The following PAG1 variants were observed in gnomAD, a reference collection of about 807,000 sequenced individuals.
The protein encoded by PAG1 is phosphoprotein associated with glycosphingolipid-enriched microdomains 1.
In PAG1, 23 loss-of-function variants were observed where a neutral mutation model predicts 31.7. The ratio of observed to expected loss-of-function variants is 0.73; its 90% CI spans 0.52 to 1.03. PAG1 has a LOEUF of 1.03. Among genes scored for constraint, PAG1 ranks in the 50% least tolerant of loss-of-function variants. PAG1 has a pLI of 0.00. For synonymous variants in PAG1, 214 were observed against 210.3 expected (o/e 1.02, Z -0.15); for missense variants, 473 against 540.7 (o/e 0.87, Z 1.24).
chr8:80,989,730 C>A (rs1171342918), intron 5 of PAG1, among the ~76,000 whole-genome samples: 3 of 152,224 alleles, frequency 2.0e-5, no homozygotes, highest in African/African-American at 4.8e-5. Flanking sequence ...AAGCTCTAGG[C>A]CAGTGGCTCT....
intron 8 of PAG1, among the ~76,000 whole-genome samples, chr8:80,978,730 A>G (rs1249917112): frequency 6.6e-6 from 1 of 152,190 alleles, no homozygotes; most frequent in Non-Finnish European, 1.5e-5. Context: ...CTCACTGTAC[A>G]TTTCAACTTT....
chr8:81,049,042 CA>C (rs2130867736), intron 2 of PAG1, among the ~76,000 whole-genome samples: 1 of 152,296 alleles, frequency 6.6e-6, no homozygotes, highest in East Asian at 1.9e-4. Flanking sequence ...TGCTAGCATA[CA>C]ATCATTACAG....
intron 5 of PAG1, 36 bp from the exon 6 acceptor site, chr8:80,987,502 A>C: frequency 7.1e-7 from 1 of 1,402,554 alleles, no homozygotes; most frequent in Non-Finnish European, 1.0e-6. Flanking sequence ...CAAATGCATC[A>C]CATTGCTAAG....
chr8:80,982,759 C>T (rs1350841987), intron 7 of PAG1, among the ~76,000 whole-genome samples: 1 of 152,154 alleles, frequency 6.6e-6, no homozygotes, highest in Non-Finnish European at 1.5e-5. Context: ...TCAATCTTTC[C>T]CACATGTTGG....
intron 4 of PAG1, among the ~76,000 whole-genome samples, chr8:80,991,767 C>T (rs971208419): frequency 4.6e-5 from 7 of 151,944 alleles, no homozygotes; most frequent in South Asian, 4.1e-4. Flanking sequence ...CCCCTTCTTC[C>T]GGGAAAAAAC....
At chr8:81,055,991 T>A (rs1808816124) in intron 2 of PAG1, among the ~76,000 whole-genome samples, 1 of 152,182 alleles carries the variant, frequency 6.6e-6, no homozygotes, top group African/African-American at 2.4e-5. Flanking sequence ...CTTCCAACAC[T>A]ATGTTGAATA....
At chr8:81,021,705 A>T (rs927386719) in intron 3 of PAG1, among the ~76,000 whole-genome samples, 41 of 152,176 alleles carry the variant, frequency 2.7e-4, no homozygotes, top group African/African-American at 9.6e-4. Context: ...TGTGGTTTCA[A>T]TTATGAGGAA....
intron 3 of PAG1, among the ~76,000 whole-genome samples, chr8:81,010,167 A>C (rs1169241617): frequency 6.6e-6 from 1 of 152,178 alleles, no homozygotes; most frequent in Admixed American, 6.5e-5. Flanking sequence ...TAAAACAGAT[A>C]CAGCTCATTG....
chr8:81,006,730 T>A (rs1457336576), intron 3 of PAG1, among the ~76,000 whole-genome samples: 2 of 152,224 alleles, frequency 1.3e-5, no homozygotes, highest in Non-Finnish European at 2.9e-5. Context: ...GCTGTGTTTA[T>A]GAAAAGTCTT....
intron 2 of PAG1, among the ~76,000 whole-genome samples, chr8:81,034,832 C>A (rs1047987506): frequency 6.6e-6 from 1 of 152,186 alleles, no homozygotes; most frequent in Non-Finnish European, 1.5e-5. Flanking sequence ...AATACGATTT[C>A]ATGTACCACC....
chr8:80,988,519 A>G (rs1256332148), intron 5 of PAG1, among the ~76,000 whole-genome samples: 1 of 152,090 alleles, frequency 6.6e-6, no homozygotes, highest in Admixed American at 6.5e-5. Context: ...GGAGTGCAGT[A>G]GCATGATTAT....
At chr8:80,991,098 A>C (rs1791534619) in intron 5 of PAG1, among the ~76,000 whole-genome samples, 1 of 152,208 alleles carries the variant, frequency 6.6e-6, no homozygotes, top group Non-Finnish European at 1.5e-5. Flanking sequence ...GCAAACCACC[A>C]GAAGCCCCAG....
intron 2 of PAG1, among the ~76,000 whole-genome samples, chr8:81,065,828 T>C (rs1808995911): frequency 6.6e-6 from 1 of 150,666 alleles, no homozygotes; most frequent in African/African-American, 2.4e-5. Flanking sequence ...TATGTGTGTA[T>C]ATATATGTTT....
chr8:81,059,312 T>G (rs918828189), intron 2 of PAG1, among the ~76,000 whole-genome samples: 3 of 152,042 alleles, frequency 2.0e-5, no homozygotes, highest in Non-Finnish European at 4.4e-5. Flanking sequence ...AATTAGAGGT[T>G]GGTTGAATCC....
chr8:81,079,932 A>G (rs1049132427), intron 1 of PAG1, among the ~76,000 whole-genome samples: 5 of 151,782 alleles, frequency 3.3e-5, no homozygotes, highest in Non-Finnish European at 7.4e-5. Context: ...CCATGCCCGG[A>G]TAATTTTTAA....
At chr8:81,099,774 C>T (rs1290999310) in intron 1 of PAG1, among the ~76,000 whole-genome samples, 2 of 152,096 alleles carry the variant, frequency 1.3e-5, no homozygotes, top group African/African-American at 2.4e-5. Flanking sequence ...ATAGAAAAGT[C>T]CTAAAGCTGA....
chr8:81,046,295 G>A (rs891137482), intron 2 of PAG1, among the ~76,000 whole-genome samples: 4 of 152,158 alleles, frequency 2.6e-5, no homozygotes, highest in Non-Finnish European at 5.9e-5. Flanking sequence ...CAAGCCTTCT[G>A]AATAAATGAA....
intron 1 of PAG1, among the ~76,000 whole-genome samples, chr8:81,085,557 T>C (rs1189191317): frequency 8.5e-5 from 13 of 152,196 alleles, no homozygotes; most frequent in Admixed American, 8.5e-4. Context: ...GAAATGTGCT[T>C]AGGAAAGAAA....
At chr8:81,037,539 T>C (rs1808481165) in intron 2 of PAG1, among the ~76,000 whole-genome samples, 1 of 152,258 alleles carries the variant, frequency 6.6e-6, no homozygotes, top group African/African-American at 2.4e-5. Flanking sequence ...TAGTTTATAA[T>C]GTGCAGCACG....
Sources: gnomAD v4.1 joint callset for allele counts (sites outside exome capture counted in the v4.1 genomes callset) on GRCh38, gnomAD v4.1.1 for gene constraint, MANE v1.5 for transcripts, NCBI Gene and HGNC (gene_info 2026-07-23, HGNC 2026-07-21) for gene names.